The following FBXL20 variants were observed in gnomAD, a reference collection of about 807,000 sequenced individuals.
The protein encoded by FBXL20 is F-box and leucine rich repeat protein 20, also known as F-box/LRR-repeat protein 20.
Under a neutral mutation model 64.0 loss-of-function variants are expected in FBXL20, and 11 were observed. That is an observed-to-expected ratio of 0.17 (90% CI 0.11 to 0.28). FBXL20 has a LOEUF of 0.28. Ranked by LOEUF, FBXL20 falls within the 10% of genes least tolerant of loss-of-function variation. The pLI is 1.00. For missense variants in FBXL20, 303 were observed against 526.2 expected (o/e 0.58, Z 4.15); for synonymous variants, 184 against 189.0 (o/e 0.97, Z 0.22).
At chr17:39,377,745 G>A (rs1597829778) in intron 1 of FBXL20, among the ~76,000 whole-genome samples, 2 of 152,044 alleles carry the variant, frequency 1.3e-5, no homozygotes, top group African/African-American at 4.8e-5. Flanking sequence ...CTCGTGATCC[G>A]CTCCCCCTAG....
At chr17:39,356,645 T>A (rs1277781683) in intron 1 of FBXL20, among the ~76,000 whole-genome samples, 1 of 151,814 alleles carries the variant, frequency 6.6e-6, no homozygotes, top group Non-Finnish European at 1.5e-5. Context: ...CATGAGCCCC[T>A]GCGCTCGGCC....
At chr17:39,338,171 CTT>C (rs1180308279) in intron 2 of FBXL20, among the ~76,000 whole-genome samples, 3 of 152,180 alleles carry the variant, frequency 2.0e-5, no homozygotes, top group South Asian at 2.1e-4. Context: ...ACATGGGAGA[CTT>C]TTCATTTTGT....
rs1463413276 is a variant in FBXL20 at position 39,401,434 on chromosome 17, T to C, written c.-32A>G. On this transcript the variant is annotated 5_prime_UTR_variant, in exon 1 of 15. Transcript: ENST00000264658. ...GGCGGGTGCGGCCCGGGCCGGGCGC[T>C]GCGGCGAGCGGAGTGCACAGACCGG... The C allele has an allele frequency of 6.4e-7, 1 of 1,572,608 alleles. No individual in the cohort carries two copies. Among genetic ancestry groups the C allele is most frequent in the East Asian group, 2.4e-5 (1 of 41,824 alleles).
At chr17:39,293,037 C>T (rs1321637300) in intron 6 of FBXL20, among the ~76,000 whole-genome samples, 1 of 152,018 alleles carries the variant, frequency 6.6e-6, no homozygotes, top group Non-Finnish European at 1.5e-5. Flanking sequence ...AGGTGATCCG[C>T]CCACCTTGGC....
chr17:39,353,805 T>G (rs1427085822), intron 1 of FBXL20, among the ~76,000 whole-genome samples: 3 of 151,966 alleles, frequency 2.0e-5, no homozygotes, highest in African/African-American at 7.2e-5. Context: ...GTATTTTTAG[T>G]AGAGATGGGG....
At chr17:39,329,471 G>A (rs188740157) in intron 2 of FBXL20, among the ~76,000 whole-genome samples, 57 of 152,120 alleles carry the variant, frequency 3.7e-4, no homozygotes, top group Admixed American at 1.3e-3. Context: ...TACTATAAAG[G>A]ATATAAATGA....
At chr17:39,339,473 C>G (rs1161610432) in intron 2 of FBXL20, among the ~76,000 whole-genome samples, 1 of 152,088 alleles carries the variant, frequency 6.6e-6, no homozygotes, top group Non-Finnish European at 1.5e-5. Context: ...CTGTATTCAG[C>G]AGGAAATCCT....
intron 12 of FBXL20, 56 bp downstream of exon 12, chr17:39,268,771 T>C: frequency 7.0e-7 from 1 of 1,437,508 alleles, no homozygotes; most frequent in South Asian, 1.2e-5. Context: ...TCTGATGTTG[T>C]GTATTATCTA....
chr17:39,291,240 A>T (rs2047035591), intron 6 of FBXL20, among the ~76,000 whole-genome samples: 1 of 151,732 alleles, frequency 6.6e-6, no homozygotes, highest in South Asian at 2.1e-4. Flanking sequence ...GATTACAGGC[A>T]CTAGCCACCG....
chr17:39,400,103 A>T (rs536553516), intron 1 of FBXL20, among the ~76,000 whole-genome samples: 1 of 152,188 alleles, frequency 6.6e-6, no homozygotes, highest in Non-Finnish European at 1.5e-5. Flanking sequence ...AATATATTCC[A>T]TAACATTTTC....
chr17:39,363,883 CTTTTT>C (rs71147324), intron 1 of FBXL20, among the ~76,000 whole-genome samples: 1 of 48,678 alleles, frequency 2.1e-5, no homozygotes, highest in Non-Finnish European at 3.3e-5. Context: ...TGAATCATAT[CTTTTT>C]TTTTTTTTTT....
intron 14 of FBXL20, among the ~76,000 whole-genome samples, chr17:39,262,988 C>T (rs541334317): frequency 5.1e-4 from 65 of 128,122 alleles, no homozygotes; most frequent in African/African-American, 1.8e-3. Context: ...GGTGACAGAG[C>T]GAGACTCTGT....
intron 2 of FBXL20, among the ~76,000 whole-genome samples, chr17:39,311,589 T>C (rs144931650): frequency 2.0e-5 from 3 of 152,070 alleles, no homozygotes; most frequent in African/African-American, 7.2e-5. Flanking sequence ...CCAACTCCAC[T>C]CCCAAATAAA....
chr17:39,273,986 A>G (rs1419419496), intron 10 of FBXL20, among the ~76,000 whole-genome samples: 1 of 151,652 alleles, frequency 6.6e-6, no homozygotes, highest in Non-Finnish European at 1.5e-5. Flanking sequence ...TGATCCTCTC[A>G]CTTTAGCCTC....
rs372381000 is a variant in FBXL20 at position 39,353,832 on chromosome 17, AG to A, written c.43-10592del. 8.0e-4 allele frequency among the ~76,000 whole-genome samples: 121 copies of A among 152,192 alleles called. 1 individual carries two copies. The highest frequency in any genetic ancestry group is 2.8e-3 in the African/African-American group (118 of 41,520). On this transcript the variant is annotated intron_variant, in intron 1 of 14. Transcript: ENST00000264658. ...GAGATGGGGTTTCATCATATTGGCCAGGATGGTCTCGACCTCTTGACCTTGT... is the reference window on the plus strand; with the variant it reads ...GAGATGGGGTTTCATCATATTGGCCAGATGGTCTCGACCTCTTGACCTTGT...
chr17:39,337,639 C>A (rs1007076354), intron 2 of FBXL20, among the ~76,000 whole-genome samples: 3 of 151,462 alleles, frequency 2.0e-5, no homozygotes, highest in Admixed American at 6.6e-5. Context: ...CCGGCCGCCC[C>A]GTCTGAGAAA....
intron 1 of FBXL20, among the ~76,000 whole-genome samples, chr17:39,393,240 G>C (rs1364670055): frequency 1.3e-5 from 2 of 152,034 alleles, no homozygotes; most frequent in Non-Finnish European, 2.9e-5. Flanking sequence ...AGTGAGCTCA[G>C]ATCGCGCCAT....
chr17:39,373,123 T>C (rs2047934538), intron 1 of FBXL20, among the ~76,000 whole-genome samples: 1 of 152,092 alleles, frequency 6.6e-6, no homozygotes, highest in Non-Finnish European at 1.5e-5. Flanking sequence ...GCTCAAGGCA[T>C]AACCTCCATG....
chr17:39,386,524 T>C (rs558471775), intron 1 of FBXL20, among the ~76,000 whole-genome samples: 2 of 151,720 alleles, frequency 1.3e-5, no homozygotes, highest in African/African-American at 4.8e-5. Context: ...CTCAGGAGGC[T>C]GAGGCACAAA....
Sources: gnomAD v4.1 joint callset for allele counts (sites outside exome capture counted in the v4.1 genomes callset) on GRCh38, gnomAD v4.1.1 for gene constraint, MANE v1.5 for transcripts, NCBI Gene and HGNC (gene_info 2026-07-23, HGNC 2026-07-21) for gene names.